Variants in ESR2 observed in about 807,000 individuals in gnomAD.
ESR2 encodes the protein estrogen receptor 2, also known as estrogen receptor beta.
A neutral mutation model predicts 49.6 loss-of-function variants in ESR2; 36 were observed. The observed-to-expected ratio is 0.73, with a 90% confidence interval of 0.56 to 0.96. The LOEUF is 0.96. ESR2 is among the 40% of genes least tolerant of loss of function. The pLI is 0.00. For synonymous variants in ESR2, 320 were observed against 266.1 expected, an observed-to-expected ratio of 1.20 and a Z score of -1.97; for missense variants, 714 against 693.0, an observed-to-expected ratio of 1.03 and a Z score of -0.34.
chr14:64,279,569 GTTTA>G (rs2076623813), intron 3 of ESR2, among the ~76,000 whole-genome samples: 1 of 152,154 alleles, frequency 6.6e-6, no homozygotes, highest in South Asian at 2.1e-4. Flanking sequence ...CAAAAAATGT[GTTTA>G]TTCTTTCTTC....
chr14:64,308,168 C>A (rs1333339986), intron 1 of ESR2, among the ~76,000 whole-genome samples: 1 of 152,090 alleles, frequency 6.6e-6, no homozygotes, highest in Non-Finnish European at 1.5e-5. Flanking sequence ...GTGCATGACA[C>A]CCTGCCCAGC....
intron 1 of ESR2, among the ~76,000 whole-genome samples, chr14:64,286,322 A>T (rs1332928878): frequency 1.3e-5 from 2 of 151,962 alleles, no homozygotes; most frequent in Non-Finnish European, 2.9e-5. Flanking sequence ...TTTTTTTTAC[A>T]TGGAGTTTCG....
intron 1 of ESR2, among the ~76,000 whole-genome samples, chr14:64,313,678 A>T (rs1420593928): frequency 2.0e-5 from 3 of 151,974 alleles, no homozygotes; most frequent in Middle Eastern, 3.4e-3. Flanking sequence ...TCACAAGGTC[A>T]GGAGATCGAG....
upstream of ESR2, among the ~76,000 whole-genome samples, chr14:64,297,013 G>C (rs1252389972): frequency 2.0e-5 from 3 of 152,128 alleles, no homozygotes; most frequent in Non-Finnish European, 4.4e-5. Context: ...CCAATGGCTA[G>C]ACCAAAAAGC....
intron 1 of ESR2, among the ~76,000 whole-genome samples, chr14:64,313,348 C>A (rs758626199): frequency 9.2e-5 from 14 of 151,910 alleles, no homozygotes; most frequent in Non-Finnish European, 2.1e-4. Flanking sequence ...GCCTGGCCAA[C>A]ATGGCAAAAC....
At chr14:64,285,649 G>A (rs2076771392) in intron 1 of ESR2, among the ~76,000 whole-genome samples, 1 of 151,986 alleles carries the variant, frequency 6.6e-6, no homozygotes, top group South Asian at 2.1e-4. Flanking sequence ...CCAAGATGGT[G>A]AAACACCATC....
chr14:64,227,787 C>G, downstream of ESR2: 1 of 1,542,926 alleles, frequency 6.5e-7, no homozygotes, highest in South Asian at 1.2e-5. Context: ...ACTCAAAGCT[C>G]AGTGTATTCC....
chr14:64,273,965 G>GTTTTT, intron 3 of ESR2, among the ~76,000 whole-genome samples: 1 of 132,998 alleles, frequency 7.5e-6, no homozygotes, highest in African/African-American at 2.9e-5. Flanking sequence ...TTTGAGACCT[G>GTTTTT]ATCACACTCC....
intron 1 of ESR2, among the ~76,000 whole-genome samples, chr14:64,310,919 G>C (rs1010997482): frequency 3.9e-5 from 6 of 152,068 alleles, no homozygotes. Context: ...CTCATTTATA[G>C]TATATTCAAA....
At chr14:64,241,483 TAC>T (rs2075728171) in intron 7 of ESR2, among the ~76,000 whole-genome samples, 1 of 152,222 alleles carries the variant, frequency 6.6e-6, no homozygotes, top group African/African-American at 2.4e-5. Flanking sequence ...TATCAATTTC[TAC>T]CAAAAAGCCT....
At chr14:64,255,835 C>T (rs930887160) in intron 6 of ESR2, among the ~76,000 whole-genome samples, 4 of 152,240 alleles carry the variant, frequency 2.6e-5, no homozygotes, top group African/African-American at 9.6e-5. Flanking sequence ...CCATGGTTTA[C>T]CACCTGGGCT....
chr14:64,245,385 G>A (rs576155460), intron 7 of ESR2, among the ~76,000 whole-genome samples: 6 of 151,996 alleles, frequency 3.9e-5, no homozygotes, highest in Admixed American at 2.6e-4. Flanking sequence ...GGTGGTGGGT[G>A]CCTGTAATCC....
At chr14:64,270,179 A>G (rs546136078) in intron 3 of ESR2, among the ~76,000 whole-genome samples, 84 of 152,376 alleles carry the variant, frequency 5.5e-4, no homozygotes, top group African/African-American at 1.8e-3. Flanking sequence ...GATAAATGAA[A>G]TGAGCAAGTC....
At chr14:64,253,560 TTG>T (rs752711685) in intron 6 of ESR2, among the ~76,000 whole-genome samples, 6,328 of 136,542 alleles carry the variant, frequency 0.046, 234 homozygotes, top group Admixed American at 0.13. Flanking sequence ...GGTACACTAT[TTG>T]TGTGTGTGTG....
downstream of ESR2, among the ~76,000 whole-genome samples, chr14:64,228,239 A>G (rs760021794): frequency 6.6e-6 from 1 of 152,212 alleles, no homozygotes; most frequent in South Asian, 2.1e-4. Context: ...TAACCCCACA[A>G]TAAGAATTCA....
intron 6 of ESR2, among the ~76,000 whole-genome samples, chr14:64,253,248 T>C (rs1286277260): frequency 6.6e-6 from 1 of 151,998 alleles, no homozygotes; most frequent in Non-Finnish European, 1.5e-5. Context: ...TGGAGTGCAA[T>C]GACGTGATCT....
At chr14:64,295,990 G>A (rs1392594848), upstream of ESR2, among the ~76,000 whole-genome samples, 3 of 139,682 alleles carry the variant, frequency 2.1e-5, no homozygotes, top group African/African-American at 8.4e-5. Context: ...GTTGCAGTGA[G>A]CCAAGATCGC....
At chr14:64,285,436 C>T (rs1041560653) in intron 1 of ESR2, among the ~76,000 whole-genome samples, 2 of 152,112 alleles carry the variant, frequency 1.3e-5, no homozygotes, top group African/African-American at 4.8e-5. Context: ...CTTGTTATAC[C>T]TTCACACTTT....
chr14:64,238,937 C>G (rs910022050), intron 7 of ESR2, among the ~76,000 whole-genome samples: 1 of 152,180 alleles, frequency 6.6e-6, no homozygotes, highest in Non-Finnish European at 1.5e-5. Flanking sequence ...ACAGCCACCT[C>G]TCCTTCAAGA....
Sources: allele counts gnomAD v4.1 joint callset (sites outside exome capture counted in the v4.1 genomes callset), GRCh38; gene constraint gnomAD v4.1.1; transcripts MANE v1.5; gene names NCBI Gene and HGNC (gene_info 2026-07-23, HGNC 2026-07-21).